The following ITPR1 variants were observed in gnomAD, a reference collection of about 807,000 sequenced individuals.
The protein encoded by ITPR1 is inositol 1,4,5-trisphosphate-gated calcium channel ITPR1.
ITPR1 carries 96 observed loss-of-function variants against 318.4 expected under a neutral mutation model. That is an observed-to-expected ratio of 0.30 (90% CI 0.26 to 0.36). The LOEUF (loss-of-function observed/expected upper bound fraction) is 0.36. ITPR1 is among the 10% of genes least tolerant of loss of function. The pLI, the probability that ITPR1 is intolerant of heterozygous loss-of-function variation, is 1.00. For missense variants in ITPR1, 2,440 were observed against 3,460.2 expected, an observed-to-expected ratio of 0.71 and a Z score of 7.40; for synonymous variants, 1,312 against 1,289.9, an observed-to-expected ratio of 1.02 and a Z score of -0.37.
intron 4 of ITPR1, among the ~76,000 whole-genome samples, chr3:4,569,915 T>A (rs1273944370): frequency 2.0e-5 from 3 of 152,220 alleles, no homozygotes; most frequent in Non-Finnish European, 2.9e-5. Flanking sequence ...ATATTCAGGT[T>A]TCAAGGAAAG....
chr3:4,738,369 G>A (rs1005656423), intron 44 of ITPR1, among the ~76,000 whole-genome samples: 2 of 152,180 alleles, frequency 1.3e-5, no homozygotes, highest in Non-Finnish European at 2.9e-5. Context: ...GGGGGTGAGG[G>A]ACAGGATGTC....
At chr3:4,504,686 C>T (rs946266711) in intron 2 of ITPR1, among the ~76,000 whole-genome samples, 7 of 152,100 alleles carry the variant, frequency 4.6e-5, no homozygotes, top group Admixed American at 2.0e-4. Context: ...GATGATATCG[C>T]CAAGCATCTT....
At chr3:4,531,279 G>A (rs146565388) in intron 4 of ITPR1, among the ~76,000 whole-genome samples, 1 of 152,184 alleles carries the variant, frequency 6.6e-6, no homozygotes, top group South Asian at 2.1e-4. Context: ...TAAAGCTAAC[G>A]CAGGGGTAAC....
intron 44 of ITPR1, 147 bp downstream of exon 44, chr3:4,735,501 T>A: frequency 1.6e-6 from 1 of 637,632 alleles, no homozygotes; most frequent in East Asian, 2.7e-5. Context: ...AAAAATGAGT[T>A]CTGCTAGTAT....
chr3:4,733,364 G>A (rs1422262137), intron 43 of ITPR1, 144 bp downstream of exon 43: 52 of 936,942 alleles, frequency 5.5e-5, no homozygotes, highest in Middle Eastern at 3.4e-4. Flanking sequence ...TTTGTCTTTG[G>A]TCTACCATCA....
Position 4,814,763 on chromosome 3 carries a change from G to C in ITPR1, c.7701+201G>C, listed in dbSNP as rs1310793645. On this transcript the variant is annotated intron_variant, in intron 58 of 61. Coordinates refer to ENST00000649015, the MANE Select transcript of ITPR1 (RefSeq NM_001378452.1). ...GCCGCAAAGTCAGCTGCGTGGAAAGGGTTGGCTTTGGCTCTCTGTTCAGTA... is the reference window on the plus strand; with the variant it reads ...GCCGCAAAGTCAGCTGCGTGGAAAGCGTTGGCTTTGGCTCTCTGTTCAGTA... 4 of 623,874 alleles carry C rather than the reference G, an allele frequency of 6.4e-6. 1 individual carries two copies. In the Admixed American group the frequency reaches 1.2e-4, roughly 18 times the overall value. The allele number at this position is 623,874 out of a possible 1,614,324, so 38.6% of individuals were successfully genotyped here.
At chr3:4,568,024 G>C (rs1296767725) in intron 4 of ITPR1, among the ~76,000 whole-genome samples, 1 of 152,190 alleles carries the variant, frequency 6.6e-6, no homozygotes, top group African/African-American at 2.4e-5. Flanking sequence ...TGTGGTCACT[G>C]ATTTGAAATC....
rs143428466 is a variant in ITPR1 at position 4,694,349 on chromosome 3, T to G, written c.4281+608T>G. Among the ~76,000 whole-genome samples the G allele has an allele frequency of 3.7e-3, 532 of 144,804 alleles. 4 individuals are homozygous for G. The highest frequency in any genetic ancestry group is 0.014 in the African/African-American group (500 of 35,980). 95.0% of individuals were successfully genotyped at this position (144,804 alleles called of 152,430 possible). A position where few individuals can be genotyped will look rare whatever the true frequency, so the allele number is the denominator to read the frequency against. On this transcript the variant is annotated intron_variant, in intron 33 of 61. Transcript: ENST00000649015. ...ATATATTTATGATATATAAAGTATA[T>G]TATAAAGTATGTATTGTAGGTTTTA... is the stretch of plus-strand genomic sequence containing the variant.
intron 33 of ITPR1, among the ~76,000 whole-genome samples, chr3:4,696,681 T>G (rs1275547283): frequency 2.0e-5 from 3 of 151,746 alleles, no homozygotes; most frequent in African/African-American, 4.8e-5. Context: ...GTGTTTTTTT[T>G]TTTTTTTTTT....
At chr3:4,681,625 G>GTA (rs143638502) in intron 26 of ITPR1, among the ~76,000 whole-genome samples, 71 of 2,282 alleles carry the variant, frequency 0.031, no homozygotes, top group Admixed American at 0.085. Flanking sequence ...GAGAGAGAAA[G>GTA]TGTGTGTGTG....
intron 21 of ITPR1, 62 bp downstream of exon 21, chr3:4,673,449 A>G (rs2094126497): frequency 7.0e-7 from 1 of 1,432,624 alleles, no homozygotes; most frequent in Non-Finnish European, 9.3e-7. Context: ...ATAGCCCCAT[A>G]TGGTCTCATT....
chr3:4,829,290 C>T (rs113143265), intron 60 of ITPR1, among the ~76,000 whole-genome samples: 295 of 152,278 alleles, frequency 1.9e-3, no homozygotes, highest in African/African-American at 6.6e-3. Flanking sequence ...ACACTAATGT[C>T]ACAAGGCTGT....
At chr3:4,660,377 C>T (rs2093805833) in intron 13 of ITPR1, among the ~76,000 whole-genome samples, 1 of 151,114 alleles carries the variant, frequency 6.6e-6, no homozygotes, top group Non-Finnish European at 1.5e-5. Flanking sequence ...CAATGGGCTA[C>T]TCTTTTATTT....
At chr3:4,769,080 A>T (rs2046014690) in intron 46 of ITPR1, among the ~76,000 whole-genome samples, 2 of 151,718 alleles carry the variant, frequency 1.3e-5, no homozygotes, top group Admixed American at 1.3e-4. Flanking sequence ...TTGTATTTTT[A>T]GTAGAGATGG....
intron 2 of ITPR1, among the ~76,000 whole-genome samples, chr3:4,512,937 C>T (rs1286629067): frequency 2.1e-5 from 2 of 93,554 alleles, no homozygotes; most frequent in Non-Finnish European, 4.4e-5. Context: ...GTATGTCAGG[C>T]ATGGCTTGTC....
chr3:4,494,891 T>C (rs529524156), intron 2 of ITPR1, among the ~76,000 whole-genome samples: 228 of 152,334 alleles, frequency 1.5e-3, no homozygotes, highest in African/African-American at 5.4e-3. Context: ...CTTCAAGAAA[T>C]AGTCACTCTT....
rs182848900 is a variant in ITPR1 at position 4,664,153 on chromosome 3, A to G, written c.1554+947A>G. Among the ~76,000 whole-genome samples the G allele has an allele frequency of 2.6e-5, 4 of 152,350 alleles. No homozygotes were observed. The East Asian group carries it at 5.8e-4, about 22-fold the overall frequency. On this transcript the variant is annotated intron_variant, in intron 16 of 61. Transcript: ENST00000649015. ...ACATTTGGGAGATTTGGCATATTCT[A>G]TAAACTCAGAAGGCCCATATAGGCT...
intron 34 of ITPR1, among the ~76,000 whole-genome samples, chr3:4,698,176 C>G (rs760688538): frequency 7.2e-5 from 11 of 152,110 alleles, no homozygotes; most frequent in Non-Finnish European, 1.6e-4. Flanking sequence ...TTAAAAGATT[C>G]TTTAGAAGAT....
At position 4,508,397 on chromosome 3, in the gene ITPR1, C is replaced by G. The variant is rs570205780; in HGVS notation, c.-16-8079C>G. On this transcript the variant is annotated intron_variant, in intron 2 of 61. Transcript: ENST00000649015. ...GGTTAATGAAGTGTTCTACTTTAGT[C>G]TCAGTTTCAGGAGTTGTTAACTTTT... Among the ~76,000 whole-genome samples, 6 of 149,294 alleles carry G rather than the reference C, an allele frequency of 4.0e-5. No homozygotes were observed. In the East Asian group the frequency reaches 9.9e-4, roughly 25 times the overall value.
Sources: allele counts gnomAD v4.1 joint callset (sites outside exome capture counted in the v4.1 genomes callset), GRCh38; gene constraint gnomAD v4.1.1; transcripts MANE v1.5; gene names NCBI Gene and HGNC (gene_info 2026-07-23, HGNC 2026-07-21).